Variants in PCDHGA2 observed in about 807,000 individuals in gnomAD.
PCDHGA2 encodes protocadherin gamma-A2.
In PCDHGA2, 40 loss-of-function variants were observed where a neutral mutation model predicts 59.2. The ratio of observed to expected loss-of-function variants is 0.68; its 90% CI spans 0.52 to 0.88. The LOEUF (loss-of-function observed/expected upper bound fraction) is 0.88, where lower values mean the gene tolerates loss of function less well. PCDHGA2 is among the 40% of genes least tolerant of loss of function. The pLI, the probability that PCDHGA2 is intolerant of heterozygous loss-of-function variation, is 0.00. For missense variants in PCDHGA2, 1,226 were observed against 1,204.0 expected (o/e 1.02, Z -0.27); for synonymous variants, 560 against 526.0 (o/e 1.06, Z -0.89).
intron 1 of PCDHGA2, chr5:141,413,905 C>G: frequency 6.2e-7 from 1 of 1,613,338 alleles, no homozygotes; most frequent in Non-Finnish European, 8.5e-7. Context: ...TGACAACGCG[C>G]CGGTCTTCAC....
intron 2 of PCDHGA2, among the ~76,000 whole-genome samples, chr5:141,500,877 A>AT (rs369345007): frequency 0.053 from 6,532 of 122,188 alleles, 326 homozygotes; most frequent in Admixed American, 0.19. Context: ...TTCATTTACA[A>AT]TTTTTTTTTT....
In PCDHGA2 at chr5:141,345,076, C is replaced by T. The variant is rs374768220; in HGVS notation, c.2424+3681C>T. ...GTGAATGACAATGCTCCAGAAATTA[C>T]AATCACGTCTCTCACAAGCTCAGTC... On this transcript the variant is annotated intron_variant, in intron 1 of 3. Coordinates refer to ENST00000394576, the MANE Select transcript of PCDHGA2 (RefSeq NM_018915.4). 2.7e-5 allele frequency: 44 copies of T among 1,613,824 alleles called. No homozygotes were observed. In the South Asian group the frequency reaches 3.7e-4, roughly 14 times the overall value.
At chr5:141,434,784 A>T (rs967716221) in intron 1 of PCDHGA2, among the ~76,000 whole-genome samples, 11 of 150,278 alleles carry the variant, frequency 7.3e-5, no homozygotes, top group East Asian at 5.8e-4. Flanking sequence ...AAAAAAAAAA[A>T]TTTTTTTTTC....
chr5:141,486,644 T>G lies in PCDHGA2; in HGVS notation c.2425-8163T>G, dbSNP rs765487821. ...AGACTCTGGCTTGAATGCGCTTATC[T>G]CCTACTCACTCCTGGAGCCCAGGAA... On this transcript the variant is annotated intron_variant, in intron 1 of 3. Transcript: ENST00000394576. This position sits in a 1 kb window ranked among gnomAD's most constrained non-coding sequence, Gnocchi z 5.0. 9.3e-6 allele frequency: 15 copies of G among 1,613,722 alleles called. 2 individuals carry two copies. The Middle Eastern group carries it at 6.6e-4, about 71-fold the overall frequency.
Position 141,490,909 on chromosome 5 carries a change from G to T in PCDHGA2, c.2425-3898G>T. 4 of 1,613,744 alleles carry T rather than the reference G, an allele frequency of 2.5e-6. No individual in the cohort carries two copies. Among genetic ancestry groups the T allele is most frequent in the Non-Finnish European group, 3.4e-6 (4 of 1,179,762 alleles). ...ATCTCTGCATGTGTTTGTCCTAGAC[G>T]AGAATGATAATGCCCCAGCTGTGCT... On this transcript the variant is annotated intron_variant, in intron 1 of 3. Transcript: ENST00000394576. The surrounding 1 kb of genome is among the most constrained non-coding windows in gnomAD (Gnocchi z 5.4).
rs1485856773 is a variant in PCDHGA2, at chr5:141,372,043, T to A, written c.2424+30648T>A. ...CTCAGCGCCAACGTGAGCCTGCGCG[T>A]GTTGGTGGACGACCGCAACGACAAT... On this transcript the variant is annotated intron_variant, in intron 1 of 3. Coordinates refer to ENST00000394576, the MANE Select transcript of PCDHGA2 (RefSeq NM_018915.4). The A allele has an allele frequency of 1.9e-6, 3 of 1,613,326 alleles. No individual in the cohort carries two copies. The highest frequency in any genetic ancestry group is 1.7e-5 in the Admixed American group (1 of 59,994).
At chr5:141,351,367 C>A (rs1253333383) in intron 1 of PCDHGA2, 7 of 1,612,708 alleles carry the variant, frequency 4.3e-6, no homozygotes, top group Non-Finnish European at 1.7e-6. Flanking sequence ...AAGTGCGAGA[C>A]AAGGATTCTG....
intron 1 of PCDHGA2, chr5:141,428,437 C>G: frequency 2.5e-6 from 1 of 400,386 alleles, no homozygotes; most frequent in East Asian, 5.4e-5. Flanking sequence ...TAAGACTAGA[C>G]CAGGGGTTTT....
At chr5:141,405,470 A>G in intron 1 of PCDHGA2, 1 of 1,108,980 alleles carries the variant, frequency 9.0e-7, no homozygotes, top group Non-Finnish European at 1.3e-6. Flanking sequence ...CCCAGGCTGG[A>G]ATGCAGTGGT....
chr5:141,371,606 G>A, intron 1 of PCDHGA2: 2 of 1,614,010 alleles, frequency 1.2e-6, no homozygotes, highest in South Asian at 2.2e-5. Context: ...CATACAGGTT[G>A]GTGACAGATG....
chr5:141,395,797 A>G (rs56946131), intron 1 of PCDHGA2: 16,957 of 151,702 alleles, frequency 0.11, 1,119 homozygotes, highest in African/African-American at 0.18. Flanking sequence ...ACTTCTTACC[A>G]TCCTTCAAAA....
chr5:141,428,043 A>C (rs765740380), intron 1 of PCDHGA2: 1 of 1,608,722 alleles, frequency 6.2e-7, no homozygotes, highest in South Asian at 1.1e-5. Context: ...CTACCTGGTG[A>C]CCAAGGTGGT....
chr5:141,478,744 T>C, intron 1 of PCDHGA2: 1 of 1,528,172 alleles, frequency 6.5e-7, no homozygotes, highest in Non-Finnish European at 8.8e-7. Flanking sequence ...TGTGGTCCCA[T>C]TTCAGGGGGA....
intron 1 of PCDHGA2, chr5:141,345,661 G>A (rs777845958): frequency 8.7e-6 from 14 of 1,614,100 alleles, no homozygotes; most frequent in Non-Finnish European, 1.2e-5. Flanking sequence ...CCTCCACTCA[G>A]CAGCAACGTG....
intron 1 of PCDHGA2, chr5:141,409,138 A>G (rs2095229593): frequency 1.2e-6 from 2 of 1,614,046 alleles, no homozygotes; most frequent in Non-Finnish European, 1.7e-6. Flanking sequence ...TTGAAGATGT[A>G]GAAAGGTACA....
Position 141,376,431 on chromosome 5 carries a change from A to T in PCDHGA2, c.2424+35036A>T, listed in dbSNP as rs372723180. On this transcript the variant is annotated intron_variant, in intron 1 of 3. Coordinates refer to ENST00000394576, the MANE Select transcript of PCDHGA2 (RefSeq NM_018915.4). ...TATGCCGACACGCTTATCAACCAGG[A>T]GAGCTATGAGAAAAGCGAGCCTCTT... The T allele has an allele frequency of 9.0e-5, 145 of 1,614,074 alleles. No homozygotes were observed. The highest frequency in any genetic ancestry group is 1.2e-4 in the Non-Finnish European group (143 of 1,180,046).
chr5:141,407,807 T>G (rs916388568), intron 1 of PCDHGA2, among the ~76,000 whole-genome samples: 1 of 152,202 alleles, frequency 6.6e-6, no homozygotes, highest in African/African-American at 2.4e-5. Context: ...CATAGAAATA[T>G]CTACTATAAT....
At chr5:141,418,955 G>C in intron 1 of PCDHGA2, 4 of 1,614,050 alleles carry the variant, frequency 2.5e-6, no homozygotes, top group Non-Finnish European at 3.4e-6. Flanking sequence ...AGGAGTGGTT[G>C]TTGCCCTCTT....
At chr5:141,360,102 C>T (rs530757240) in intron 1 of PCDHGA2, 116 of 1,535,872 alleles carry the variant, frequency 7.6e-5, no homozygotes, top group Middle Eastern at 5.3e-4. Context: ...AGGCTTATTC[C>T]TCCTATGGGC....
Sources: allele counts gnomAD v4.1 joint callset (sites outside exome capture counted in the v4.1 genomes callset), GRCh38; gene constraint gnomAD v4.1.1; non-coding constraint Gnocchi (gnomAD v3.1); transcripts MANE v1.5; gene names NCBI Gene and HGNC (gene_info 2026-07-23, HGNC 2026-07-21).